PEBP4: variants seen among roughly 807,000 people sequenced by gnomAD.
PEBP4 encodes phosphatidylethanolamine-binding protein 4.
A neutral mutation model predicts 23.9 loss-of-function variants in PEBP4; 22 were observed. The observed-to-expected ratio is 0.92, with a 90% confidence interval of 0.66 to 1.31. PEBP4 has a LOEUF of 1.31. Ranked by LOEUF, PEBP4 falls within the 40% of genes most tolerant of loss-of-function variation. The pLI is 0.00. For synonymous variants in PEBP4, 112 were observed against 99.3 expected, an observed-to-expected ratio of 1.13 and a Z score of -0.76; for missense variants, 324 against 281.7, an observed-to-expected ratio of 1.15 and a Z score of -1.07.
At chr8:22,870,006 A>C (rs1807977064) in intron 3 of PEBP4, among the ~76,000 whole-genome samples, 1 of 152,212 alleles carries the variant, frequency 6.6e-6, no homozygotes, top group Non-Finnish European at 1.5e-5. Flanking sequence ...GCAGTTTCTC[A>C]CAAAACTAAG....
intron 1 of PEBP4, among the ~76,000 whole-genome samples, chr8:22,937,537 T>G (rs1461355884): frequency 1.6e-4 from 20 of 126,668 alleles, no homozygotes; most frequent in Admixed American, 1.5e-3. Context: ...TAATTGCAAC[T>G]CCTATGAAAA....
chr8:22,876,874 T>TA (rs1250579818), intron 3 of PEBP4, among the ~76,000 whole-genome samples: 1 of 152,218 alleles, frequency 6.6e-6, no homozygotes, highest in Non-Finnish European at 1.5e-5. Context: ...ACCTCTCCCT[T>TA]AACTGCTGTG....
intron 3 of PEBP4, among the ~76,000 whole-genome samples, chr8:22,844,667 G>A (rs1293628820): frequency 6.6e-6 from 1 of 152,114 alleles, no homozygotes; most frequent in Non-Finnish European, 1.5e-5. Flanking sequence ...GGTTCTGTTG[G>A]GGATATATTC....
At chr8:22,859,004 G>A (rs759307743) in intron 3 of PEBP4, among the ~76,000 whole-genome samples, 1 of 152,144 alleles carries the variant, frequency 6.6e-6, no homozygotes, top group Non-Finnish European at 1.5e-5. Flanking sequence ...TGGTCATCTG[G>A]TTTGGACTCC....
At chr8:22,881,654 C>G (rs1808261125) in intron 3 of PEBP4, among the ~76,000 whole-genome samples, 1 of 152,344 alleles carries the variant, frequency 6.6e-6, no homozygotes, top group East Asian at 1.9e-4. Flanking sequence ...TTCACTCTCC[C>G]TCTTTGGAAT....
intron 2 of PEBP4, among the ~76,000 whole-genome samples, chr8:22,923,789 C>T (rs1238757251): frequency 6.6e-6 from 1 of 152,172 alleles, no homozygotes; most frequent in Non-Finnish European, 1.5e-5. Context: ...AAGGGAGCTG[C>T]CCTTCCCTTC....
intron 3 of PEBP4, among the ~76,000 whole-genome samples, chr8:22,882,311 A>C (rs563451720): frequency 1.3e-5 from 2 of 152,346 alleles, no homozygotes; most frequent in South Asian, 4.1e-4. Flanking sequence ...GTGTGCGTCA[A>C]CAGCACCAGT....
chr8:22,785,674 A>G (rs568611321), intron 4 of PEBP4, among the ~76,000 whole-genome samples: 55 of 152,250 alleles, frequency 3.6e-4, no homozygotes, highest in African/African-American at 1.3e-3. Flanking sequence ...TGGGAAAGTT[A>G]CAGATCCTCC....
intron 4 of PEBP4, among the ~76,000 whole-genome samples, chr8:22,728,726 T>A (rs566126621): frequency 3.0e-4 from 45 of 151,970 alleles, no homozygotes; most frequent in African/African-American, 1.1e-3. Flanking sequence ...ACTTCCCGAG[T>A]AGCTGGAATT....
intron 3 of PEBP4, among the ~76,000 whole-genome samples, chr8:22,910,145 G>A (rs1808908526): frequency 6.6e-6 from 1 of 152,228 alleles, no homozygotes; most frequent in African/African-American, 2.4e-5. Context: ...TCTAAGGGCT[G>A]TGGGTTTCTC....
intron 3 of PEBP4, among the ~76,000 whole-genome samples, chr8:22,873,665 G>T (rs1266348304): frequency 6.6e-6 from 1 of 152,138 alleles, no homozygotes; most frequent in Non-Finnish European, 1.5e-5. Flanking sequence ...AAGTAACCCT[G>T]TGAATAGAGC....
In PEBP4 at chr8:22,855,021, C is replaced by T. The variant is rs1048224514; in HGVS notation, c.259-37286G>A. On this transcript the variant is annotated intron_variant, in intron 3 of 6. Transcript: ENST00000256404. ...GCACGCACACACACACACACACACACACACACACACACACACACACACATG... is the reference window on the plus strand; with the variant it reads ...GCACGCACACACACACACACACACATACACACACACACACACACACACATG... 1.1e-3 allele frequency among the ~76,000 whole-genome samples: 70 copies of T among 64,724 alleles called. 1 individual carries two copies. Among genetic ancestry groups the T allele is most frequent in the Admixed American group, 6.0e-3 (31 of 5,130 alleles). The allele number at this position is 64,724 out of a possible 152,430, so 42.5% of individuals were successfully genotyped here.
intron 3 of PEBP4, among the ~76,000 whole-genome samples, chr8:22,833,525 T>C (rs578254943): frequency 6.6e-6 from 1 of 152,250 alleles, no homozygotes; most frequent in Non-Finnish European, 1.5e-5. Context: ...AGAGATGGGG[T>C]TTCACCATGT....
chr8:22,934,402 A>G (rs1809506412), intron 1 of PEBP4, among the ~76,000 whole-genome samples: 1 of 152,238 alleles, frequency 6.6e-6, no homozygotes, highest in Non-Finnish European at 1.5e-5. Flanking sequence ...TTAGGATGTT[A>G]TATGTAATTC....
chr8:22,902,197 T>C (rs1472980), intron 3 of PEBP4, among the ~76,000 whole-genome samples: 135,531 of 152,004 alleles, frequency 0.89, 60,684 homozygotes, highest in East Asian at 0.94. Flanking sequence ...GGCTTGGTGG[T>C]GCACGCCTGT....
chr8:22,876,949 A>G (rs1255921641), intron 3 of PEBP4, among the ~76,000 whole-genome samples: 1 of 152,226 alleles, frequency 6.6e-6, no homozygotes. Flanking sequence ...TGAGGCTAAT[A>G]GTGCCTCCTT....
At chr8:22,887,570 G>C (rs1287310387) in intron 3 of PEBP4, 2 of 151,602 alleles carry the variant, frequency 1.3e-5, no homozygotes, top group African/African-American at 4.9e-5. Flanking sequence ...GTTGAGACCA[G>C]CCTGGGCAAC....
chr8:22,776,023 C>G (rs1479540338), intron 4 of PEBP4, among the ~76,000 whole-genome samples: 3 of 152,110 alleles, frequency 2.0e-5, no homozygotes, highest in African/African-American at 7.2e-5. Flanking sequence ...GCAGGTGGGT[C>G]TGTGGCAGGG....
intron 4 of PEBP4, among the ~76,000 whole-genome samples, chr8:22,770,504 G>T (rs1805696723): frequency 6.6e-6 from 1 of 152,206 alleles, no homozygotes; most frequent in Non-Finnish European, 1.5e-5. Flanking sequence ...CAGCCCAGGG[G>T]TCCAGGCAGG....
Sources: allele counts gnomAD v4.1 joint callset (sites outside exome capture counted in the v4.1 genomes callset), GRCh38; gene constraint gnomAD v4.1.1; transcripts MANE v1.5; gene names NCBI Gene and HGNC (gene_info 2026-07-23, HGNC 2026-07-21).